SCOC: variants seen among roughly 807,000 people sequenced by gnomAD.
SCOC encodes the protein short coiled coil protein.
SCOC carries 7 observed loss-of-function variants against 9.9 expected under a neutral mutation model. That is an observed-to-expected ratio of 0.71 (90% CI 0.40 to 1.33). The LOEUF is 1.33. SCOC is among the 40% of genes most tolerant of loss of function. The pLI is 0.01. For missense variants in SCOC, 66 were observed against 89.7 expected (o/e 0.74, Z 1.07); for synonymous variants, 19 against 28.2 (o/e 0.67, Z 1.03).
At chr4:140,328,240 T>C (rs980084655) in intron 1 of SCOC, among the ~76,000 whole-genome samples, 1 of 152,200 alleles carries the variant, frequency 6.6e-6, no homozygotes, top group Admixed American at 6.5e-5. Context: ...AACTGGTCTA[T>C]CAGTTCTTGA....
chr4:140,380,487 C>T (rs770662110), intron 3 of SCOC, among the ~76,000 whole-genome samples: 41 of 151,996 alleles, frequency 2.7e-4, no homozygotes, highest in African/African-American at 8.2e-4. Flanking sequence ...TGCGAGCCAC[C>T]GTGCCCAGCC....
intron 1 of SCOC, among the ~76,000 whole-genome samples, chr4:140,296,629 G>C (rs1423891407): frequency 2.0e-5 from 3 of 152,162 alleles, no homozygotes; most frequent in African/African-American, 7.2e-5. Flanking sequence ...GACATGGCGG[G>C]TGAACGAGGT....
chr4:140,337,727 C>A (rs1408887355), intron 1 of SCOC, among the ~76,000 whole-genome samples: 1 of 152,120 alleles, frequency 6.6e-6, no homozygotes, highest in Non-Finnish European at 1.5e-5. Context: ...CCTCAACACA[C>A]ACACCCTCCC....
intron 1 of SCOC, among the ~76,000 whole-genome samples, chr4:140,330,422 TA>T (rs1182869917): frequency 2.0e-5 from 3 of 151,928 alleles, no homozygotes; most frequent in Admixed American, 6.6e-5. Context: ...CCTACTGAAA[TA>T]AAAAAATTAA....
At chr4:140,297,269 TGG>T (rs11287239) in intron 1 of SCOC, among the ~76,000 whole-genome samples, 19,226 of 148,108 alleles carry the variant, frequency 0.13, 1,565 homozygotes, top group African/African-American at 0.22. Context: ...CTGGTGACTG[TGG>T]GGGGGGGGGC....
At chr4:140,328,865 A>C (rs1732727695) in intron 1 of SCOC, among the ~76,000 whole-genome samples, 1 of 152,184 alleles carries the variant, frequency 6.6e-6, no homozygotes, top group Non-Finnish European at 1.5e-5. Context: ...TTAGCTTATA[A>C]TCACAGGAAA....
intron 1 of SCOC, among the ~76,000 whole-genome samples, chr4:140,323,167 A>T (rs753275832): frequency 6.6e-6 from 1 of 152,112 alleles, no homozygotes; most frequent in Admixed American, 6.6e-5. Flanking sequence ...ATACCTCATG[A>T]ATAGCTTGGT....
chr4:140,373,847 G>C (rs1257133981), intron 1 of SCOC, 130 bp downstream of exon 1: 1 of 1,024,378 alleles, frequency 9.8e-7, no homozygotes, highest in East Asian at 2.6e-5. Flanking sequence ...GGGAGGAGCG[G>C]TCTCGGGCCT....
chr4:140,309,089 T>A (rs1474961967), intron 1 of SCOC, among the ~76,000 whole-genome samples: 1 of 151,974 alleles, frequency 6.6e-6, no homozygotes, highest in African/African-American at 2.4e-5. Context: ...AAGGAATGAG[T>A]ATCTGGAAAG....
chr4:140,279,884 C>T (rs368185000), intron 1 of SCOC, among the ~76,000 whole-genome samples: 1 of 152,186 alleles, frequency 6.6e-6, no homozygotes, highest in Non-Finnish European at 1.5e-5. Flanking sequence ...TATCTTCTTG[C>T]TCTGCCATCC....
chr4:140,259,171 T>C (rs1463171296), intron 1 of SCOC, among the ~76,000 whole-genome samples: 2 of 152,250 alleles, frequency 1.3e-5, no homozygotes, highest in Middle Eastern at 3.2e-3. Flanking sequence ...AAAGGTTGGA[T>C]ATGGCTAAGA....
At chr4:140,324,491 G>A (rs1476822034) in intron 1 of SCOC, among the ~76,000 whole-genome samples, 2 of 151,992 alleles carry the variant, frequency 1.3e-5, no homozygotes, top group African/African-American at 2.4e-5. Context: ...GAACTCATAA[G>A]TACATTTAAA....
chr4:140,282,428 T>C (rs1731121717), intron 1 of SCOC, among the ~76,000 whole-genome samples: 1 of 152,226 alleles, frequency 6.6e-6, no homozygotes, highest in South Asian at 2.1e-4. Flanking sequence ...TTTATTGAGA[T>C]ACTAATCTAC....
chr4:140,362,606 T>C (rs1727619831), intron 2 of SCOC: 1 of 151,978 alleles, frequency 6.6e-6, no homozygotes, highest in Non-Finnish European at 1.5e-5. Flanking sequence ...TTACTTCTTA[T>C]TGTTGTAGGG....
At chr4:140,259,884 G>A (rs768035066) in intron 1 of SCOC, among the ~76,000 whole-genome samples, 9 of 151,964 alleles carry the variant, frequency 5.9e-5, no homozygotes, top group Admixed American at 1.3e-4. Flanking sequence ...ACCTCTACTC[G>A]TGTCAAATGG....
At chr4:140,264,462 A>G (rs936625555) in intron 1 of SCOC, among the ~76,000 whole-genome samples, 7 of 152,194 alleles carry the variant, frequency 4.6e-5, no homozygotes, top group South Asian at 2.1e-4. Flanking sequence ...CTTCATACGT[A>G]TAAAGATCTT....
chr4:140,263,735 G>A (rs927800226), intron 1 of SCOC, among the ~76,000 whole-genome samples: 2 of 152,110 alleles, frequency 1.3e-5, no homozygotes, highest in Non-Finnish European at 2.9e-5. Flanking sequence ...GGGTGAAATA[G>A]GTCAGCAACC....
chr4:140,337,758 T>C (rs1229951153), intron 1 of SCOC, among the ~76,000 whole-genome samples: 1 of 152,100 alleles, frequency 6.6e-6, no homozygotes, highest in Non-Finnish European at 1.5e-5. Context: ...CAGGAAGAAG[T>C]AGAATCTCTG....
At chr4:140,373,303 T>C, upstream of SCOC, 5 of 1,384,914 alleles carry the variant, frequency 3.6e-6, no homozygotes, top group South Asian at 6.3e-5. Context: ...TACCAGCCTC[T>C]TTCCTGATTT....
Sources: allele counts gnomAD v4.1 joint callset (sites outside exome capture counted in the v4.1 genomes callset), GRCh38; gene constraint gnomAD v4.1.1; transcripts MANE v1.5; gene names NCBI Gene and HGNC (gene_info 2026-07-23, HGNC 2026-07-21).